Variants in CLASP2 observed in about 807,000 individuals in gnomAD.
CLASP2 encodes cytoplasmic linker associated protein 2, also known as CLIP-associating protein 2.
Under a neutral mutation model 194.4 loss-of-function variants are expected in CLASP2, and 47 were observed. The observed-to-expected ratio is 0.24, with a 90% confidence interval of 0.19 to 0.31. The LOEUF (loss-of-function observed/expected upper bound fraction) is 0.31. Ranked by LOEUF, CLASP2 falls within the 10% of genes least tolerant of loss-of-function variation. The pLI, the probability that CLASP2 is intolerant of heterozygous loss-of-function variation, is 1.00. For synonymous variants in CLASP2, 619 were observed against 633.5 expected (o/e 0.98, Z 0.34); for missense variants, 1,445 against 1,823.6 (o/e 0.79, Z 3.78).
intron 36 of CLASP2, 80 bp from the exon 37 acceptor site, chr3:33,510,844 T>C: frequency 8.1e-7 from 1 of 1,227,210 alleles, no homozygotes; most frequent in Admixed American, 2.3e-5. Flanking sequence ...CTTCATGAAG[T>C]ATTCAATATA....
rs773605351 is a variant in CLASP2, at chr3:33,607,367, A to G, written c.1526+17T>C. ...AAAAAGATTAAACTGTCACAAAACT[A>G]TACTACACTGACTTACTTTCTTGCC... On this transcript the variant is annotated intron_variant, in intron 15 of 38. Transcript: ENST00000682230. 4.5e-6 allele frequency: 7 copies of G among 1,566,858 alleles called. No individual in the cohort carries two copies. The East Asian group carries it at 1.6e-4, about 35-fold the overall frequency.
At chr3:33,605,645 G>A (rs893257354) in intron 16 of CLASP2, among the ~76,000 whole-genome samples, 1 of 151,996 alleles carries the variant, frequency 6.6e-6, no homozygotes, top group Non-Finnish European at 1.5e-5. Context: ...TGGAAACAGA[G>A]TCTCACTCTG....
chr3:33,552,707 G>GTAGCAAGAGCATC (rs1415815805), intron 29 of CLASP2, among the ~76,000 whole-genome samples: 1 of 152,144 alleles, frequency 6.6e-6, no homozygotes, highest in Non-Finnish European at 1.5e-5. Flanking sequence ...TTTTCTGTGT[G>GTAGCAAGAGCATC]TAGCAAGAGC....
At position 33,608,582 on chromosome 3, in the gene CLASP2, G is replaced by C. The variant is rs752250877; in HGVS notation, c.1433C>G (p.Thr478Ser). 4.3e-6 allele frequency: 7 copies of C among 1,611,450 alleles called. No individual in the cohort carries two copies. In the East Asian group the frequency reaches 1.6e-4, roughly 36 times the overall value. Residue 478 changes from threonine (T) to serine (S), a missense_variant, in exon 14 of 39, where the codon ACT becomes AGT. By Grantham distance (58) the Thr-to-Ser change is moderately conservative. Around this residue, in one of 4 missense-constraint regions of CLASP2, gnomAD observed 207 missense variants for 331.4 expected, o/e 0.62. Transcript: ENST00000682230. ...GAATGCATACCTTTCCAATGAATGA[G>C]TCTGCCACTCTTGCAACAATAAATC... ...FLDLLLQEWQTHSLERHAAVL... is the reference protein window; with the variant it reads ...FLDLLLQEWQSHSLERHAAVL...
At chr3:33,515,288 G>T (rs912508700) in intron 36 of CLASP2, among the ~76,000 whole-genome samples, 3 of 151,814 alleles carry the variant, frequency 2.0e-5, no homozygotes, top group African/African-American at 7.3e-5. Context: ...TTACCTAATC[G>T]ATGTCACTGG....
At chr3:33,601,718 T>C (rs770337546) in intron 18 of CLASP2, among the ~76,000 whole-genome samples, 24 of 152,212 alleles carry the variant, frequency 1.6e-4, no homozygotes, top group Non-Finnish European at 3.2e-4. Context: ...TATATTTCTA[T>C]ATGGTGTGTA....
intron 7 of CLASP2, 72 bp downstream of exon 7, chr3:33,663,373 A>C: frequency 9.0e-7 from 1 of 1,110,104 alleles, no homozygotes; most frequent in East Asian, 2.4e-5. Flanking sequence ...AATCAGTGAT[A>C]TATAATACAT....
intron 8 of CLASP2, among the ~76,000 whole-genome samples, chr3:33,638,713 C>G (rs1458279532): frequency 6.6e-6 from 1 of 152,192 alleles, no homozygotes; most frequent in South Asian, 2.1e-4. Flanking sequence ...AGAAACAATG[C>G]TTCTTACCAA....
At position 33,590,785 on chromosome 3, in the gene CLASP2, T is replaced by G. The variant is rs535495973; in HGVS notation, c.2068+1610A>C. On this transcript the variant is annotated intron_variant, in intron 21 of 38. Transcript: ENST00000682230. ...CAATGCCCCATTCTCTTTCCTGATT[T>G]CAAAATTCAGGAATCAGGTTAAAAA... Among the ~76,000 whole-genome samples the G allele has an allele frequency of 9.5e-4, 145 of 152,300 alleles. 1 individual carries two copies. The highest frequency in any genetic ancestry group is 2.4e-3 in the Admixed American group (37 of 15,290).
intron 34 of CLASP2, among the ~76,000 whole-genome samples, chr3:33,522,987 A>G (rs768707571): frequency 2.0e-5 from 3 of 152,194 alleles, no homozygotes; most frequent in Non-Finnish European, 4.4e-5. Context: ...GAGACAGGAG[A>G]ATGGCACGAA....
At chr3:33,717,740 G>C (rs1411615163) in intron 1 of CLASP2, 68 bp downstream of exon 1, 2 of 1,500,000 alleles carry the variant, frequency 1.3e-6, no homozygotes, top group African/African-American at 2.8e-5. Context: ...CCGGCCCGGC[G>C]CTCGCGTCCG....
chr3:33,594,997 A>G, intron 19 of CLASP2, 29 bp from the exon 20 acceptor site: 1 of 1,410,890 alleles, frequency 7.1e-7, no homozygotes, highest in South Asian at 1.5e-5. Context: ...ACAACATTTC[A>G]ACAAATTCTG....
At position 33,573,331 on chromosome 3, in the gene CLASP2, A is replaced by G. The variant is rs1279305440; in HGVS notation, c.2478T>C (p.Tyr826=). The G allele has an allele frequency of 3.1e-6, 5 of 1,613,788 alleles. No homozygotes were observed. The highest frequency in any genetic ancestry group is 2.2e-5 in the East Asian group (1 of 44,872). Reference sequence around the variant, plus strand: ...CATCTGAATGCATTCCATATGATTCATATCTTCTTCGAGCTGGTTTTTTCT... The same window carrying G: ...CATCTGAATGCATTCCATATGATTCGTATCTTCTTCGAGCTGGTTTTTTCT... ...DALKKPARRR[Y]ESYGMHSDDD... Residue 826 remains tyrosine, a synonymous_variant, in exon 25 of 39, where the codon TAT becomes TAC. Transcript: ENST00000682230.
intron 23 of CLASP2, among the ~76,000 whole-genome samples, chr3:33,578,427 T>G (rs2154201592): frequency 6.6e-6 from 1 of 152,340 alleles, no homozygotes; most frequent in South Asian, 2.1e-4. Flanking sequence ...TTTTAATATT[T>G]AATAAAATAC....
At chr3:33,667,838 T>C (rs993287648) in intron 6 of CLASP2, among the ~76,000 whole-genome samples, 9 of 152,232 alleles carry the variant, frequency 5.9e-5, no homozygotes, top group Admixed American at 1.3e-4. Flanking sequence ...CATCGATCTA[T>C]ATCTAGTGTT....
At chr3:33,671,019 CTCCTGCTGCTCTAGTTT>C (rs1415439921) in intron 6 of CLASP2, among the ~76,000 whole-genome samples, 1 of 152,116 alleles carries the variant, frequency 6.6e-6, no homozygotes, top group Non-Finnish European at 1.5e-5. Context: ...AAATACCCAT[CTCCTGCTGCTCTAGTTT>C]TCCACGTGGA....
chr3:33,659,446 T>C (rs574560369), intron 7 of CLASP2: 2 of 982,366 alleles, frequency 2.0e-6, no homozygotes, highest in East Asian at 2.2e-4. Context: ...AGCAATCACA[T>C]GATCTGATGG....
chr3:33,538,638 G>T (rs1157145678), intron 33 of CLASP2, 151 bp downstream of exon 33: 2 of 535,872 alleles, frequency 3.7e-6, no homozygotes, highest in East Asian at 3.2e-5. Context: ...CTCAAACAGT[G>T]CCTGGTATGT....
intron 30 of CLASP2, among the ~76,000 whole-genome samples, chr3:33,546,873 T>C (rs1262299546): frequency 6.6e-6 from 1 of 152,218 alleles, no homozygotes; most frequent in Non-Finnish European, 1.5e-5. Context: ...AATTTAAATT[T>C]TGATGAAATC....
Sources: gnomAD v4.1 joint callset for allele counts (sites outside exome capture counted in the v4.1 genomes callset) on GRCh38, gnomAD v4.1.1 for gene constraint, gnomAD v4.1.1 regional missense constraint, MANE v1.5 for transcripts, NCBI Gene and HGNC (gene_info 2026-07-23, HGNC 2026-07-21) for gene names.